The following MTAP variants were observed in gnomAD, a reference collection of about 807,000 sequenced individuals.
MTAP encodes the protein S-methyl-5'-thioadenosine phosphorylase.
A neutral mutation model predicts 33.6 loss-of-function variants in MTAP; 33 were observed. The ratio of observed to expected loss-of-function variants is 0.98; its 90% confidence interval spans 0.74 to 1.31. The LOEUF is 1.31. MTAP is among the 40% of genes most tolerant of loss of function. The probability of loss-of-function intolerance (pLI) is 0.00; values close to 1 mark genes in which losing one functional copy is unlikely to be tolerated. For synonymous variants in MTAP, 148 were observed against 125.7 expected (o/e 1.18, Z -1.19); for missense variants, 367 against 360.0 (o/e 1.02, Z -0.16).
chr9:21,802,675 C>T lies in MTAP; in HGVS notation c.-74C>T, dbSNP rs1312703722. 1.3e-6 allele frequency: 2 copies of T among 1,577,188 alleles called. No individual in the cohort carries two copies. Among genetic ancestry groups the T allele is most frequent in the Non-Finnish European group, 8.7e-7 (1 of 1,152,588 alleles). ...CTCCCGCGCAGTGAGGTTGGCACAG[C>T]CACCGCTCTGTGGCTCGCTTGGTTC... On this transcript the variant is annotated 5_prime_UTR_variant, in exon 1 of 8. Transcript: ENST00000644715.
In MTAP at chr9:21,837,923, T is replaced by C. The variant is rs1825149935; in HGVS notation, c.363T>C (p.Pro121=). The C allele has an allele frequency of 6.2e-7, 1 of 1,613,914 alleles. No individual in the cohort carries two copies. The highest frequency in any genetic ancestry group is 1.7e-5 in the Admixed American group (1 of 59,998). ...TATTTTGTAGGACCACTATGAGACC[T>C]CAGTCCTTCTATGATGGAAGTCATT... The part of the protein sequence containing the change: ...DQFIDRTTMR[P]QSFYDGSHSC... Residue 121 remains proline, a synonymous_variant, in exon 5 of 8, where the codon CCT becomes CCC. Coordinates refer to ENST00000644715, the MANE Select transcript of MTAP (RefSeq NM_002451.4).
At chr9:21,835,056 A>G (rs1825070844) in intron 4 of MTAP, among the ~76,000 whole-genome samples, 1 of 152,156 alleles carries the variant, frequency 6.6e-6, no homozygotes, top group Non-Finnish European at 1.5e-5. Flanking sequence ...AGTCCAAAAA[A>G]AGTTGCCAGC....
chr9:21,836,808 G>C, intron 4 of MTAP, among the ~76,000 whole-genome samples: 1 of 152,136 alleles, frequency 6.6e-6, no homozygotes, highest in Non-Finnish European at 1.5e-5. Flanking sequence ...GGTGGCCTTG[G>C]TGCCAGCTAA....
At chr9:21,855,400 A>C (rs776216844) in intron 6 of MTAP, among the ~76,000 whole-genome samples, 2 of 152,252 alleles carry the variant, frequency 1.3e-5, no homozygotes, top group Non-Finnish European at 2.9e-5. Flanking sequence ...GTTATAAAGA[A>C]ATAGAATGGT....
intron 6 of MTAP, among the ~76,000 whole-genome samples, chr9:21,858,257 TC>T (rs1825679865): frequency 6.6e-6 from 1 of 152,216 alleles, no homozygotes; most frequent in Non-Finnish European, 1.5e-5. Flanking sequence ...GCCACATCTT[TC>T]TAGACCATAT....
intron 4 of MTAP, among the ~76,000 whole-genome samples, chr9:21,828,591 C>G (rs1824882300): frequency 6.6e-6 from 1 of 152,084 alleles, no homozygotes; most frequent in Non-Finnish European, 1.5e-5. Context: ...AGGAGAATTG[C>G]TTGAACCCAG....
At chr9:21,881,666 C>A (rs1369811044) in intron 1 of MTAP, among the ~76,000 whole-genome samples, 1 of 151,840 alleles carries the variant, frequency 6.6e-6, no homozygotes, top group Non-Finnish European at 1.5e-5. Flanking sequence ...AAATAGAAAT[C>A]AAAACCACAT....
Position 21,886,856 on chromosome 9 carries a change from T to C in MTAP, c.147+31986T>C, listed in dbSNP as rs559331463. ...GTCACCATAGCCTTATAGAATAGTT[T>C]GAAGTTGGATAATATGATACCTTCA... On this transcript the variant is annotated intron_variant, in intron 1 of 1. Coordinates refer to the MTAP transcript ENST00000577563. Among the ~76,000 whole-genome samples, 4 of 152,354 alleles carry C rather than the reference T, an allele frequency of 2.6e-5. No homozygotes were observed. The South Asian group carries it at 8.3e-4, about 32-fold the overall frequency.
At chr9:21,874,205 A>G (rs1352908620) in intron 1 of MTAP, among the ~76,000 whole-genome samples, 1 of 152,226 alleles carries the variant, frequency 6.6e-6, no homozygotes, top group African/African-American at 2.4e-5. Flanking sequence ...CCCGGCTTCA[A>G]GAATTACTTC....
At chr9:21,813,979 G>C (rs1033784826) in intron 1 of MTAP, 1 of 152,178 alleles carries the variant, frequency 6.6e-6, no homozygotes, top group Non-Finnish European at 1.5e-5. Flanking sequence ...TATAATACTG[G>C]TTACTCTTTG....
rs780303147 is a variant in MTAP at position 21,818,103 on chromosome 9, A to C, written c.248A>C (p.Glu83Ala). Residue 83 changes from glutamate to alanine, a missense_variant, in exon 4 of 8, where the codon GAA becomes GCA. Glu to Ala is a moderately radical substitution (Grantham distance 107, BLOSUM62 -1). Transcript: ENST00000644715. ...CAGGCGAACATCTGGGCTTTGAAGG[A>C]AGAGGGCTGTACACATGTCATAGTG... ...NYQANIWALK[E>A]EGCTHVIVTT... 5.0e-6 allele frequency: 8 copies of C among 1,613,832 alleles called. No homozygotes were observed. In the East Asian group the frequency reaches 1.8e-4, roughly 36 times the overall value.
intron 4 of MTAP, among the ~76,000 whole-genome samples, chr9:21,821,294 G>A (rs1031591003): frequency 1.3e-5 from 2 of 152,112 alleles, no homozygotes; most frequent in Admixed American, 6.5e-5. Context: ...TTTGAGCTAC[G>A]TCCCATCAAT....
chr9:21,923,847 TGTGA>T (rs1400074476), intron 1 of MTAP, among the ~76,000 whole-genome samples: 4 of 152,048 alleles, frequency 2.6e-5, no homozygotes, highest in Non-Finnish European at 5.9e-5. Flanking sequence ...GCCAGAATGC[TGTGA>T]GTAAGAGTCA....
At chr9:21,824,240 C>T (rs2118145471) in intron 4 of MTAP, among the ~76,000 whole-genome samples, 1 of 152,220 alleles carries the variant, frequency 6.6e-6, no homozygotes, top group East Asian at 1.9e-4. Flanking sequence ...GTTTTATCTA[C>T]CTTTGGTCTT....
chr9:21,818,127 T>G lies in MTAP; in HGVS notation c.272T>G (p.Val91Gly), dbSNP rs760315263. Residue 91 changes from valine to glycine, a missense_variant, in exon 4 of 8, where the codon GTG (valine) becomes GGG (glycine). Transcript: ENST00000644715. ...LKEEGCTHVI[V>G]TTACGSLREE... is the part of the protein sequence containing the mutation. ...GAAGAGGGCTGTACACATGTCATAG[T>G]GACCACAGCTTGTGGCTCCTTGAGG... is the stretch of plus-strand genomic sequence containing the variant. The G allele has an allele frequency of 6.2e-7, 1 of 1,614,042 alleles. No individual in the cohort carries two copies. The highest frequency in any genetic ancestry group is 1.1e-5 in the South Asian group (1 of 91,058).
chr9:21,912,057 T>C (rs1818587773), intron 1 of MTAP, among the ~76,000 whole-genome samples: 1 of 152,074 alleles, frequency 6.6e-6, no homozygotes, highest in Admixed American at 6.5e-5. Context: ...CCTCGACACA[T>C]ACACCCTCCC....
chr9:21,806,262 G>C (rs1201906918), intron 1 of MTAP, among the ~76,000 whole-genome samples: 1 of 152,196 alleles, frequency 6.6e-6, no homozygotes, highest in Non-Finnish European at 1.5e-5. Context: ...AATCAGATTG[G>C]GGATAGAATT....
intron 1 of MTAP, among the ~76,000 whole-genome samples, chr9:21,894,711 G>A (rs966605058): frequency 1.3e-5 from 2 of 151,548 alleles, no homozygotes; most frequent in Non-Finnish European, 2.9e-5. Context: ...AAACCTGCAC[G>A]TTGTGCACAT....
intron 5 of MTAP, among the ~76,000 whole-genome samples, chr9:21,853,077 T>G (rs1435079463): frequency 6.6e-6 from 1 of 152,176 alleles, no homozygotes; most frequent in Admixed American, 6.5e-5. Flanking sequence ...AAATGCTGGT[T>G]CAGGTGGCTG....
Sources: allele counts gnomAD v4.1 joint callset (sites outside exome capture counted in the v4.1 genomes callset), GRCh38; gene constraint gnomAD v4.1.1; transcripts MANE v1.5; gene names NCBI Gene and HGNC (gene_info 2026-07-23, HGNC 2026-07-21).